The following LSAMP variants were observed in gnomAD, a reference collection of about 807,000 sequenced individuals.
LSAMP encodes limbic system-associated membrane protein.
Under a neutral mutation model 38.6 loss-of-function variants are expected in LSAMP, and 7 were observed. The ratio of observed to expected loss-of-function variants is 0.18; its 90% CI spans 0.10 to 0.34. The LOEUF (loss-of-function observed/expected upper bound fraction) is 0.34. Ranked by LOEUF, LSAMP falls within the 10% of genes least tolerant of loss-of-function variation. The pLI is 1.00. For missense variants in LSAMP, 313 were observed against 420.0 expected (o/e 0.75, Z 2.23); for synonymous variants, 154 against 166.8 (o/e 0.92, Z 0.59).
At chr3:116,318,637 C>T (rs34408946) in intron 1 of LSAMP, among the ~76,000 whole-genome samples, 8,114 of 152,190 alleles carry the variant, frequency 0.053, 263 homozygotes, top group Middle Eastern at 0.099. Flanking sequence ...TTAAACATAA[C>T]GCAGCTAGCA....
chr3:116,430,661 T>C (rs1236741690), intron 1 of LSAMP, among the ~76,000 whole-genome samples: 1 of 152,002 alleles, frequency 6.6e-6, no homozygotes, highest in Non-Finnish European at 1.5e-5. Context: ...AATGAACTTC[T>C]TAGGTGAGAA....
intron 1 of LSAMP, among the ~76,000 whole-genome samples, chr3:116,100,353 T>G (rs1708318284): frequency 6.6e-6 from 1 of 152,192 alleles, no homozygotes; most frequent in African/African-American, 2.4e-5. Flanking sequence ...GTGCTGGGAT[T>G]ACAAACGTAA....
intron 1 of LSAMP, among the ~76,000 whole-genome samples, chr3:116,441,311 T>C (rs570355387): frequency 2.5e-4 from 38 of 152,346 alleles, no homozygotes; most frequent in Non-Finnish European, 1.6e-4. Context: ...GTGAAGTCCC[T>C]GTATTTTATC....
chr3:116,442,404 C>T (rs547257102), intron 1 of LSAMP, among the ~76,000 whole-genome samples: 1 of 152,228 alleles, frequency 6.6e-6, no homozygotes, highest in Admixed American at 6.5e-5. Context: ...TCAAGTTCTC[C>T]TTCCTTTCCT....
chr3:115,827,361 T>G (rs551280632), intron 6 of LSAMP, among the ~76,000 whole-genome samples: 1 of 149,496 alleles, frequency 6.7e-6, no homozygotes, highest in South Asian at 2.1e-4. Flanking sequence ...TTCTACAGGA[T>G]GCTACTATTG....
At chr3:116,284,102 C>T (rs2047163861) in intron 1 of LSAMP, among the ~76,000 whole-genome samples, 1 of 151,968 alleles carries the variant, frequency 6.6e-6, no homozygotes, top group Admixed American at 6.6e-5. Context: ...AGGAGAAGAC[C>T]AGGATGCATG....
At chr3:116,081,982 C>A (rs765429738) in intron 2 of LSAMP, among the ~76,000 whole-genome samples, 2 of 152,070 alleles carry the variant, frequency 1.3e-5, no homozygotes, top group Non-Finnish European at 2.9e-5. Context: ...ACCAACTTAA[C>A]AATTAGGCAG....
chr3:116,209,821 C>T (rs540686533), intron 1 of LSAMP, among the ~76,000 whole-genome samples: 14 of 152,124 alleles, frequency 9.2e-5, no homozygotes, highest in South Asian at 2.1e-4. Flanking sequence ...GCACGATCTC[C>T]GCTCACTGCA....
Position 115,854,184 on chromosome 3 carries a change from A to C in LSAMP, c.515-1567T>G, listed in dbSNP as rs185523556. On this transcript the variant is annotated intron_variant, in intron 3 of 6. Coordinates refer to ENST00000490035, the MANE Select transcript of LSAMP (RefSeq NM_002338.5). The stretch of plus-strand genomic sequence containing the variant: ...ATTATTTGGTTCTGAAGTTCTGCAC[A>C]TTATCTTTATCTAGCACATGCTTCT... Among the ~76,000 whole-genome samples, 1,081 of 151,402 alleles carry C rather than the reference A, an allele frequency of 7.1e-3. 9 individuals are homozygous for C. The highest frequency in any genetic ancestry group is 0.018 in the Admixed American group (273 of 15,186).
At chr3:116,172,085 C>G (rs1051260018) in intron 1 of LSAMP, among the ~76,000 whole-genome samples, 1 of 151,868 alleles carries the variant, frequency 6.6e-6, no homozygotes, top group Non-Finnish European at 1.5e-5. Context: ...TATTGACCTT[C>G]TTCCAAAAGG....
chr3:116,402,331 C>A (rs1033249160), intron 1 of LSAMP, among the ~76,000 whole-genome samples: 1 of 152,132 alleles, frequency 6.6e-6, no homozygotes, highest in African/African-American at 2.4e-5. Flanking sequence ...ACTTTTCCTG[C>A]AAACTGTTAT....
At chr3:116,383,152 A>T (rs1244303954) in intron 1 of LSAMP, among the ~76,000 whole-genome samples, 1 of 152,170 alleles carries the variant, frequency 6.6e-6, no homozygotes, top group African/African-American at 2.4e-5. Flanking sequence ...ACTCTTCTGC[A>T]AGAAAAACTA....
intron 1 of LSAMP, among the ~76,000 whole-genome samples, chr3:116,192,544 C>A (rs1176417701): frequency 6.6e-6 from 1 of 152,090 alleles, no homozygotes; most frequent in East Asian, 1.9e-4. Flanking sequence ...CCCTGTATCT[C>A]CCAATACACT....
intron 1 of LSAMP, among the ~76,000 whole-genome samples, chr3:116,138,587 C>T (rs751381073): frequency 6.6e-6 from 1 of 151,916 alleles, no homozygotes; most frequent in Non-Finnish European, 1.5e-5. Flanking sequence ...TGCTTGGATT[C>T]TAGGAGCAGC....
At chr3:115,835,950 C>G (rs1934767683) in intron 6 of LSAMP, among the ~76,000 whole-genome samples, 1 of 152,168 alleles carries the variant, frequency 6.6e-6, no homozygotes, top group Admixed American at 6.6e-5. Context: ...AATAGCTAAA[C>G]TGCTTTTAGC....
At chr3:116,119,803 G>A (rs1277809188) in intron 1 of LSAMP, among the ~76,000 whole-genome samples, 1 of 151,952 alleles carries the variant, frequency 6.6e-6, no homozygotes, top group African/African-American at 2.4e-5. Flanking sequence ...TGGGATTGTA[G>A]ATGTGTGCCA....
intron 1 of LSAMP, among the ~76,000 whole-genome samples, chr3:116,316,845 T>A (rs2047636042): frequency 6.7e-6 from 1 of 148,386 alleles, no homozygotes; most frequent in Admixed American, 6.7e-5. Context: ...AAATGAGGTG[T>A]CAAGCATAAA....
At chr3:115,843,623 C>T (rs899102852) in intron 4 of LSAMP, among the ~76,000 whole-genome samples, 1 of 151,978 alleles carries the variant, frequency 6.6e-6, no homozygotes, top group Non-Finnish European at 1.5e-5. Context: ...GTAAAGTGAA[C>T]GTTAGTGGGT....
intron 1 of LSAMP, among the ~76,000 whole-genome samples, chr3:116,278,245 A>C (rs1174862347): frequency 6.6e-6 from 1 of 152,182 alleles, no homozygotes; most frequent in Non-Finnish European, 1.5e-5. Context: ...CTTTCATGTG[A>C]TTTAAGAGCT....
Sources: allele counts gnomAD v4.1 joint callset (sites outside exome capture counted in the v4.1 genomes callset), GRCh38; gene constraint gnomAD v4.1.1; transcripts MANE v1.5; gene names NCBI Gene and HGNC (gene_info 2026-07-23, HGNC 2026-07-21).